TUBA4A: variants seen among roughly 807,000 people sequenced by gnomAD.
TUBA4A encodes tubulin alpha-4A chain.
In TUBA4A, 23 loss-of-function variants were observed where a neutral mutation model predicts 34.3. The ratio of observed to expected loss-of-function variants is 0.67; its 90% CI spans 0.48 to 0.95. The LOEUF (loss-of-function observed/expected upper bound fraction) is 0.95. Ranked by LOEUF, TUBA4A falls within the 40% of genes least tolerant of loss-of-function variation. The pLI is 0.00. For synonymous variants in TUBA4A, 216 were observed against 230.5 expected (o/e 0.94, Z 0.57); for missense variants, 279 against 599.0 (o/e 0.47, Z 5.58).
At position 219,250,659 on chromosome 2, in the gene TUBA4A, C is replaced by T; in HGVS notation, c.1040G>A (p.Cys347Tyr). Residue 347 changes from cysteine (C) to tyrosine (Y), a missense_variant, in exon 4 of 4, where the codon TGC becomes TAC. Cys to Tyr is a radical substitution (Grantham distance 194). Transcript: ENST00000248437. The surrounding 1 kb of genome is among the most constrained non-coding windows in gnomAD (Gnocchi z 8.4). ...TKRSIQFVDW[C>Y]PTGFKVGINY... ...GATACCAACCTTGAAGCCTGTGGGG[C>T]ACCAGTCCACAAACTGAATGCTGCG... 1 of 1,614,260 alleles carries T rather than the reference C, an allele frequency of 6.2e-7. No individual in the cohort carries two copies. Among genetic ancestry groups the T allele is most frequent in the Non-Finnish European group, 8.5e-7 (1 of 1,180,044 alleles).
chr2:219,251,797 ACTC>A lies in TUBA4A; in HGVS notation c.227-87_227-85del. The stretch of plus-strand genomic sequence containing the variant: ...TAGCTGTGGCCAGATGCATGGAAGG[ACTC>A]ATCCTCCTGCCAGCCTGAGATACCA... On this transcript the variant is annotated intron_variant, in intron 2 of 3. Transcript: ENST00000248437. This position sits in a 1 kb window ranked among gnomAD's most constrained non-coding sequence, Gnocchi z 6.1. 6.6e-7 allele frequency: 1 copy of A among 1,519,248 alleles called. No individual in the cohort carries two copies. Among genetic ancestry groups the A allele is most frequent in the Non-Finnish European group, 8.9e-7 (1 of 1,124,914 alleles). 94.1% of individuals were successfully genotyped at this position (1,519,248 alleles called of 1,614,324 possible).
chr2:219,250,641 A>G lies in TUBA4A; in HGVS notation c.1058T>C (p.Val353Ala), dbSNP rs775239569. The G allele has an allele frequency of 6.2e-7, 1 of 1,614,138 alleles. No homozygotes were observed. The highest frequency in any genetic ancestry group is 8.5e-7 in the Non-Finnish European group (1 of 1,180,022). The stretch of plus-strand genomic sequence containing the variant: ...AGTGGGAGGCTGGTAGTTGATACCA[A>G]CCTTGAAGCCTGTGGGGCACCAGTC... ...FVDWCPTGFK[V>A]GINYQPPTVV... Residue 353 changes from valine (V) to alanine (A), a missense_variant, in exon 4 of 4, where the codon GTT becomes GCT. Physicochemically the swap from Val to Ala is moderately conservative, Grantham distance 64. This residue lies in a region of TUBA4A where 108 missense variants were observed against 299.9 expected (regional missense o/e 0.36). Transcript: ENST00000248437. This position sits in a 1 kb window ranked among gnomAD's most constrained non-coding sequence, Gnocchi z 8.4.
At position 219,251,854 on chromosome 2, in the gene TUBA4A, C is replaced by G. The variant is rs567846749; in HGVS notation, c.227-141G>C. On this transcript the variant is annotated intron_variant, in intron 2 of 3. Coordinates refer to ENST00000248437, the MANE Select transcript of TUBA4A (RefSeq NM_006000.3). The surrounding 1 kb of genome is among the most constrained non-coding windows in gnomAD (Gnocchi z 6.1). ...TGTGAGAGAAACCCAGACCAGCTGC[C>G]CAGGCCAGTCTCAGATCAGCTTGCC... The G allele has an allele frequency of 1.5e-6, 2 of 1,359,616 alleles. No individual in the cohort carries two copies. The highest frequency in any genetic ancestry group is 5.0e-5 in the East Asian group (2 of 40,350). 84.2% of individuals were successfully genotyped at this position (1,359,616 alleles called of 1,614,324 possible).
chr2:219,250,902 T>C lies in TUBA4A; in HGVS notation c.797A>G (p.His266Arg). The C allele has an allele frequency of 6.2e-7, 1 of 1,613,948 alleles. No individual in the cohort carries two copies. Among genetic ancestry groups the C allele is most frequent in the Non-Finnish European group, 8.5e-7 (1 of 1,179,986 alleles). Residue 266 changes from histidine (H) to arginine (R), a missense_variant, in exon 4 of 4, where the codon CAC (histidine) becomes CGC (arginine). This residue lies in a region of TUBA4A where 108 missense variants were observed against 299.9 expected (regional missense o/e 0.36). Transcript: ENST00000248437. This position sits in a 1 kb window ranked among gnomAD's most constrained non-coding sequence, Gnocchi z 8.4. The stretch of plus-strand genomic sequence containing the variant: ...TGGTGCATAGGTGGCCAGGGGGAAG[T>C]GGATGCGAGGGTAGGGCACCAGGTT... ...QTNLVPYPRI[H>R]FPLATYAPVI...
At position 219,253,081 on chromosome 2, in the gene TUBA4A, C is replaced by T. The variant is rs769190134; in HGVS notation, c.3+775G>A. 5 of 1,320,070 alleles carry T rather than the reference C, an allele frequency of 3.8e-6. No homozygotes were observed. The Admixed American group carries it at 8.4e-5, about 22-fold the overall frequency. 81.8% of individuals were successfully genotyped at this position (1,320,070 alleles called of 1,614,324 possible). A position where few individuals can be genotyped will look rare whatever the true frequency, so the allele number is the denominator to read the frequency against. Reference sequence around the variant, plus strand: ...GATGGGCGCCATCCTGCAGCCCAGCCCTACATCCGCTCTCCCTCTGGAGTC... The same window carrying T: ...GATGGGCGCCATCCTGCAGCCCAGCTCTACATCCGCTCTCCCTCTGGAGTC... On this transcript the variant is annotated intron_variant, in intron 1 of 3. Transcript: ENST00000248437.
intron 1 of TUBA4A, chr2:219,253,523 C>T (rs958229185): frequency 9.8e-6 from 10 of 1,021,650 alleles, no homozygotes; most frequent in African/African-American, 3.2e-5. Context: ...TCTTCTTTTG[C>T]CCGCGGAAAG....
chr2:219,252,937 C>G lies in TUBA4A; in HGVS notation c.4-707G>C. 2.1e-6 allele frequency: 1 copy of G among 485,110 alleles called. No homozygotes were observed. Among genetic ancestry groups the G allele is most frequent in the Non-Finnish European group, 4.2e-6 (1 of 238,090 alleles). 30.1% of individuals were successfully genotyped at this position (485,110 alleles called of 1,614,324 possible). A position where few individuals can be genotyped will look rare whatever the true frequency, so the allele number is the denominator to read the frequency against. On this transcript the variant is annotated intron_variant, in intron 1 of 3. Transcript: ENST00000248437. The surrounding 1 kb of genome is among the most constrained non-coding windows in gnomAD (Gnocchi z 4.1). ...AAATTAACCCCTAAAGCACTAAAGT[C>G]CGGCAGGGCCCGCGCGCTCTTCCCA...
chr2:219,254,067 C>T (rs552382651), upstream of TUBA4A: 23 of 456,194 alleles, frequency 5.0e-5, no homozygotes, highest in Non-Finnish European at 8.7e-5. Flanking sequence ...GCCTGGTACC[C>T]TCCCCAAGCT....
rs904969405 is a variant in TUBA4A, at chr2:219,252,607, CTCTT to C, written c.4-381_4-378del. 6.6e-6 allele frequency among the ~76,000 whole-genome samples: 1 copy of C among 151,578 alleles called. No individual in the cohort carries two copies. The highest frequency in any genetic ancestry group is 2.4e-5 in the African/African-American group (1 of 41,200). The stretch of plus-strand genomic sequence containing the variant: ...AGCTAGAATTCATAGAACCCTTTCC[CTCTT>C]TCTTTCCTGTAAGCTGCAGAGGTGT... On this transcript the variant is annotated intron_variant, in intron 1 of 3. Transcript: ENST00000248437. This position sits in a 1 kb window ranked among gnomAD's most constrained non-coding sequence, Gnocchi z 4.1.
In TUBA4A at chr2:219,251,375, G is replaced by A. The variant is rs1382524324; in HGVS notation, c.376-52C>T. On this transcript the variant is annotated intron_variant, in intron 3 of 3. Transcript: ENST00000248437. This position sits in a 1 kb window ranked among gnomAD's most constrained non-coding sequence, Gnocchi z 6.1. ...GTTTAGGTAGGGGAGGGGCCTGAGG[G>A]ACTCTATCACCTGGCTCCATAAAGC... The A allele has an allele frequency of 1.9e-6, 3 of 1,552,602 alleles. No homozygotes were observed. Among genetic ancestry groups the A allele is most frequent in the Non-Finnish European group, 1.7e-6 (2 of 1,149,066 alleles).
At chr2:219,253,201 C>T (rs1559277530) in intron 1 of TUBA4A, 4 of 1,496,998 alleles carry the variant, frequency 2.7e-6, no homozygotes, top group Non-Finnish European at 3.6e-6. Context: ...CTCTCCCCTC[C>T]CCCCAACCTG....
At position 219,252,790 on chromosome 2, in the gene TUBA4A, C is replaced by G. The variant is rs1481055663; in HGVS notation, c.4-560G>C. On this transcript the variant is annotated intron_variant, in intron 1 of 3. Transcript: ENST00000248437. The surrounding 1 kb of genome is among the most constrained non-coding windows in gnomAD (Gnocchi z 4.1). Reference sequence around the variant, plus strand: ...CTGGGTGTCTTCACCACTTTCATCTCCCGTGTCAGCCCGCACGGAAATAGC... The same window carrying G: ...CTGGGTGTCTTCACCACTTTCATCTGCCGTGTCAGCCCGCACGGAAATAGC... 1 of 471,866 alleles carries G rather than the reference C, an allele frequency of 2.1e-6. No individual in the cohort carries two copies. The highest frequency in any genetic ancestry group is 4.4e-6 in the Non-Finnish European group (1 of 227,562). The allele number at this position is 471,866 out of a possible 1,614,324, so 29.2% of individuals were successfully genotyped here.
Position 219,250,183 on chromosome 2 carries a change from CA to C in TUBA4A, c.*168del. ...AGAACCCCTTTGCAGGTCTCACCTT[CA>C]GCGATGGAAGGGATAAGGGTCATGA... On this transcript the variant is annotated 3_prime_UTR_variant, in exon 4 of 4. Coordinates refer to ENST00000248437, the MANE Select transcript of TUBA4A (RefSeq NM_006000.3). The surrounding 1 kb of genome is among the most constrained non-coding windows in gnomAD (Gnocchi z 8.4). 1 of 1,020,776 alleles carries C rather than the reference CA, an allele frequency of 9.8e-7. No homozygotes were observed. The highest frequency in any genetic ancestry group is 1.5e-6 in the Non-Finnish European group (1 of 689,040). 63.2% of individuals were successfully genotyped at this position (1,020,776 alleles called of 1,614,324 possible).
intron 1 of TUBA4A, chr2:219,253,223 C>T (rs866820757): frequency 2.0e-6 from 3 of 1,493,560 alleles, no homozygotes; most frequent in Non-Finnish European, 2.7e-6. Context: ...CCTCGGCCCG[C>T]GCAGTGCTCA....
Position 219,251,820 on chromosome 2 carries a change from A to G in TUBA4A, c.227-107T>C, listed in dbSNP as rs1951653280. 2.0e-6 allele frequency: 3 copies of G among 1,465,578 alleles called. No individual in the cohort carries two copies. The highest frequency in any genetic ancestry group is 1.8e-4 in the Middle Eastern group (1 of 5,528). The allele number at this position is 1,465,578 out of a possible 1,614,324, so 90.8% of individuals were successfully genotyped here. ...GGACTCATCCTCCTGCCAGCCTGAG[A>G]TACCAGAGTGTGAGAGAAACCCAGA... On this transcript the variant is annotated intron_variant, in intron 2 of 3. Transcript: ENST00000248437. This position sits in a 1 kb window ranked among gnomAD's most constrained non-coding sequence, Gnocchi z 6.1.
At position 219,252,006 on chromosome 2, in the gene TUBA4A, A is replaced by G; in HGVS notation, c.226+2T>C. ...TTCAATTTTGTCCCCACTTCCTCTC[A>G]CCAATGACCGTAGGCTCCAGATCCA... On this transcript the variant is annotated splice_donor_variant, in intron 2 of 3. Transcript: ENST00000248437. LOFTEE classifies it high-confidence loss of function. The surrounding 1 kb of genome is among the most constrained non-coding windows in gnomAD (Gnocchi z 4.1). 1.2e-6 allele frequency: 2 copies of G among 1,613,926 alleles called. No individual in the cohort carries two copies. Among genetic ancestry groups the G allele is most frequent in the Non-Finnish European group, 1.7e-6 (2 of 1,179,900 alleles).
At chr2:219,253,953 G>T, upstream of TUBA4A, 2 of 1,184,042 alleles carry the variant, frequency 1.7e-6, no homozygotes, top group Non-Finnish European at 2.2e-6. Context: ...TTATAGGCGG[G>T]GGGGGGGCGG....
At position 219,251,401 on chromosome 2, in the gene TUBA4A, G is replaced by GT. The variant is rs1951645230; in HGVS notation, c.376-79dup. ...ACTCTATCACCTGGCTCCATAAAGC[G>GT]TAAGATACATCAGCAGTCAGGGCAA... On this transcript the variant is annotated intron_variant, in intron 3 of 3. Transcript: ENST00000248437. This position sits in a 1 kb window ranked among gnomAD's most constrained non-coding sequence, Gnocchi z 6.1. 8 of 1,543,102 alleles carry GT rather than the reference G, an allele frequency of 5.2e-6. No individual in the cohort carries two copies. The highest frequency in any genetic ancestry group is 1.8e-4 in the Middle Eastern group (1 of 5,704).
At chr2:219,253,478 C>A in intron 1 of TUBA4A, 1 of 1,342,574 alleles carries the variant, frequency 7.4e-7, no homozygotes, top group Non-Finnish European at 1.0e-6. Flanking sequence ...TGCTGAGGAC[C>A]AGGGACTGGG....
Sources: gnomAD v4.1 joint callset for allele counts (sites outside exome capture counted in the v4.1 genomes callset) on GRCh38, gnomAD v4.1.1 for gene constraint, gnomAD v4.1.1 regional missense constraint, Gnocchi (gnomAD v3.1) non-coding constraint, MANE v1.5 for transcripts, NCBI Gene and HGNC (gene_info 2026-07-23, HGNC 2026-07-21) for gene names.